TOM1L2: variants seen among roughly 807,000 people sequenced by gnomAD.
TOM1L2 encodes TOM1-like protein 2.
In TOM1L2, 31 loss-of-function variants were observed where a neutral mutation model predicts 67.9. That is an observed-to-expected ratio of 0.46 (90% CI 0.34 to 0.62). TOM1L2 has a LOEUF of 0.62. Ranked by LOEUF, TOM1L2 falls within the 20% of genes least tolerant of loss-of-function variation. TOM1L2 has a pLI of 0.01. For synonymous variants in TOM1L2, 256 were observed against 254.0 expected (o/e 1.01, Z -0.07); for missense variants, 606 against 663.5 (o/e 0.91, Z 0.95).
At chr17:17,896,065 G>A (rs928656071) in intron 3 of TOM1L2, among the ~76,000 whole-genome samples, 6 of 152,076 alleles carry the variant, frequency 3.9e-5, no homozygotes, top group Admixed American at 3.9e-4. Flanking sequence ...AGCCAAGGAG[G>A]CATTTTCCTT....
chr17:17,959,242 G>T (rs1301564374), intron 1 of TOM1L2, among the ~76,000 whole-genome samples: 3 of 152,180 alleles, frequency 2.0e-5, no homozygotes, highest in African/African-American at 7.2e-5. Flanking sequence ...TGTGAAGTGG[G>T]GGCAGTCTTG....
At chr17:17,952,583 C>G (rs1158691778) in intron 1 of TOM1L2, among the ~76,000 whole-genome samples, 2 of 151,842 alleles carry the variant, frequency 1.3e-5, no homozygotes, top group Non-Finnish European at 2.9e-5. Context: ...TTTGTAGCAA[C>G]AAGGTCTTAC....
chr17:17,873,325 C>A (rs1429433026), intron 7 of TOM1L2, among the ~76,000 whole-genome samples: 2 of 152,176 alleles, frequency 1.3e-5, no homozygotes, highest in Non-Finnish European at 2.9e-5. Context: ...CCCATTTATT[C>A]ATCTTCCTGT....
intron 2 of TOM1L2, among the ~76,000 whole-genome samples, chr17:17,903,399 G>A (rs572506824): frequency 6.6e-6 from 1 of 152,224 alleles, no homozygotes; most frequent in African/African-American, 2.4e-5. Flanking sequence ...TGAGGCGGGC[G>A]GATCACGAGG....
At position 17,939,044 on chromosome 17, in the gene TOM1L2, C is replaced by G. The variant is rs114061756; in HGVS notation, c.53-31513G>C. On this transcript the variant is annotated intron_variant, in intron 1 of 14. Coordinates refer to ENST00000379504, the MANE Select transcript of TOM1L2 (RefSeq NM_001082968.2). The stretch of plus-strand genomic sequence containing the variant: ...ACCAATAAGTTATAATGCAGCTACT[C>G]AGTAATGGGATGAAAAGGATAAAAT... 8.4e-3 allele frequency among the ~76,000 whole-genome samples: 1,276 copies of G among 152,296 alleles called. 23 individuals carry two copies. Among genetic ancestry groups the G allele is most frequent in the African/African-American group, 0.028 (1,179 of 41,558 alleles).
intron 2 of TOM1L2, among the ~76,000 whole-genome samples, chr17:17,903,658 T>G (rs1420164821): frequency 2.0e-5 from 3 of 150,564 alleles, no homozygotes; most frequent in Non-Finnish European, 3.0e-5. Flanking sequence ...GGAAATCCTG[T>G]CCTCATGGAG....
chr17:17,887,987 G>C (rs1292121312), intron 4 of TOM1L2, among the ~76,000 whole-genome samples: 1 of 151,600 alleles, frequency 6.6e-6, no homozygotes, highest in African/African-American at 2.4e-5. Flanking sequence ...GGCTGACCCA[G>C]CTGAGAATAC....
intron 1 of TOM1L2, among the ~76,000 whole-genome samples, chr17:17,953,275 G>A (rs149600136): frequency 6.6e-6 from 1 of 152,150 alleles, no homozygotes; most frequent in African/African-American, 2.4e-5. Context: ...GCGAGACTCT[G>A]TCTCAAAAAA....
chr17:17,866,896 C>G lies in TOM1L2; in HGVS notation c.940G>C (p.Val314Leu). ...RFERYRSGRS[V>L]QNASNGVLNE... ...CTTACTCCATTACTGGCATTTTGAA[C>G]GGATCGGCCAGACCTGTATCGTTCG... Residue 314 changes from valine to leucine, a missense_variant, in exon 9 of 15, where the codon GTT becomes CTT. By Grantham distance (32) the Val-to-Leu change is conservative. Around this residue, in one of 2 missense-constraint regions of TOM1L2, gnomAD observed 543 missense variants for 554.0 expected, o/e 0.98. Coordinates refer to ENST00000379504, the MANE Select transcript of TOM1L2 (RefSeq NM_001082968.2). 1 of 1,613,958 alleles carries G rather than the reference C, an allele frequency of 6.2e-7. No homozygotes were observed. The highest frequency in any genetic ancestry group is 1.1e-5 in the South Asian group (1 of 91,074).
intron 6 of TOM1L2, among the ~76,000 whole-genome samples, chr17:17,880,708 G>C (rs1007933081): frequency 2.0e-5 from 3 of 152,200 alleles, no homozygotes; most frequent in Admixed American, 6.5e-5. Context: ...GCCTCTCTGA[G>C]CCTTCGTTTC....
chr17:17,971,907 C>T (rs1468858308), intron 1 of TOM1L2, among the ~76,000 whole-genome samples: 1 of 152,162 alleles, frequency 6.6e-6, no homozygotes, highest in Non-Finnish European at 1.5e-5. Context: ...ACACAGATGC[C>T]CTGCCTGCCC....
intron 12 of TOM1L2, among the ~76,000 whole-genome samples, chr17:17,852,803 T>G (rs1387208886): frequency 7.0e-6 from 1 of 143,148 alleles, no homozygotes; most frequent in East Asian, 2.0e-4. Flanking sequence ...AGGCAGAGGT[T>G]GCAGTGAGCC....
intron 1 of TOM1L2, among the ~76,000 whole-genome samples, chr17:17,910,675 T>C (rs912319643): frequency 3.3e-5 from 5 of 152,138 alleles, no homozygotes; most frequent in Admixed American, 1.3e-4. Flanking sequence ...GTTCAAGCAA[T>C]TCTCCTGTCT....
chr17:17,873,034 C>T (rs997384297), intron 7 of TOM1L2, among the ~76,000 whole-genome samples: 2 of 152,210 alleles, frequency 1.3e-5, no homozygotes, highest in Non-Finnish European at 2.9e-5. Flanking sequence ...AAATACACCT[C>T]AGACTTTCCA....
intron 1 of TOM1L2, among the ~76,000 whole-genome samples, chr17:17,960,575 T>A (rs1028449289): frequency 2.0e-5 from 3 of 152,164 alleles, no homozygotes; most frequent in Admixed American, 1.3e-4. Flanking sequence ...TGAGCTCAAG[T>A]GATCCTCCCA....
chr17:17,927,361 G>A (rs1228745843), intron 1 of TOM1L2, among the ~76,000 whole-genome samples: 1 of 152,178 alleles, frequency 6.6e-6, no homozygotes, highest in African/African-American at 2.4e-5. Context: ...CAAACCACAT[G>A]AGGCCAGCTG....
chr17:17,963,245 C>T lies in TOM1L2; in HGVS notation c.52+9017G>A, dbSNP rs2041759792. 2.6e-5 allele frequency among the ~76,000 whole-genome samples: 4 copies of T among 152,118 alleles called. 1 individual carries two copies. The South Asian group carries it at 8.3e-4, about 32-fold the overall frequency. ...TCGAGAAGCAAAGATGGGACTGACTCCAATCTAGAACAAAGAGTGCTAAGT... is the reference window on the plus strand; with the variant it reads ...TCGAGAAGCAAAGATGGGACTGACTTCAATCTAGAACAAAGAGTGCTAAGT... On this transcript the variant is annotated intron_variant, in intron 1 of 14. Transcript: ENST00000379504.
In TOM1L2 at chr17:17,893,597, G is replaced by C. The variant is rs956663438; in HGVS notation, c.366+64C>G. On this transcript the variant is annotated intron_variant, in intron 4 of 14. Transcript: ENST00000379504. The stretch of plus-strand genomic sequence containing the variant: ...CCTCCAAATGGTGGGAGAGCATGAG[G>C]ACTCATCAATAAGAGACTTCATCTT... 3.9e-5 allele frequency: 56 copies of C among 1,443,306 alleles called. No homozygotes were observed. In the Admixed American group the frequency reaches 1.1e-3, roughly 28 times the overall value. 89.4% of individuals were successfully genotyped at this position (1,443,306 alleles called of 1,614,324 possible). A position where few individuals can be genotyped will look rare whatever the true frequency, so the allele number is the denominator to read the frequency against.
At chr17:17,859,013 T>C (rs998117572) in intron 12 of TOM1L2, 6 of 151,920 alleles carry the variant, frequency 3.9e-5, no homozygotes, top group African/African-American at 2.4e-5. Flanking sequence ...GATGACCTTT[T>C]CTTGACTGAC....
Sources: gnomAD v4.1 joint callset for allele counts (sites outside exome capture counted in the v4.1 genomes callset) on GRCh38, gnomAD v4.1.1 for gene constraint, gnomAD v4.1.1 regional missense constraint, MANE v1.5 for transcripts, NCBI Gene and HGNC (gene_info 2026-07-23, HGNC 2026-07-21) for gene names.